The following DYRK1A variants were observed in gnomAD, a reference collection of about 807,000 sequenced individuals.
The protein encoded by DYRK1A is dual specificity tyrosine phosphorylation regulated kinase 1A, also known as dual specificity tyrosine-phosphorylation-regulated kinase 1A.
Under a neutral mutation model 79.7 loss-of-function variants are expected in DYRK1A, and 9 were observed. The ratio of observed to expected loss-of-function variants is 0.11; its 90% CI spans 0.07 to 0.20. The LOEUF (loss-of-function observed/expected upper bound fraction) is 0.20, where lower values mean the gene tolerates loss of function less well. DYRK1A is among the 10% of genes least tolerant of loss of function. The pLI, the probability that DYRK1A is intolerant of heterozygous loss-of-function variation, is 1.00. For missense variants in DYRK1A, 622 were observed against 956.0 expected (o/e 0.65, Z 4.61); for synonymous variants, 349 against 329.7 (o/e 1.06, Z -0.63).
chr21:37,471,269 C>T (rs954832060), intron 2 of DYRK1A, among the ~76,000 whole-genome samples: 1 of 152,170 alleles, frequency 6.6e-6, no homozygotes, highest in Non-Finnish European at 1.5e-5. Context: ...GATTGGGCAG[C>T]TGTAAGGGAA....
chr21:37,430,040 TC>T, intron 2 of DYRK1A, among the ~76,000 whole-genome samples: 1 of 152,206 alleles, frequency 6.6e-6, no homozygotes, highest in Non-Finnish European at 1.5e-5. Context: ...TTAAAGTTTT[TC>T]TGTTGATTAT....
intron 2 of DYRK1A, among the ~76,000 whole-genome samples, chr21:37,427,256 C>T (rs1178537420): frequency 6.6e-6 from 1 of 152,198 alleles, no homozygotes; most frequent in Admixed American, 6.5e-5. Flanking sequence ...GGACTGCAGG[C>T]ACGTGCTGCC....
At chr21:37,448,334 A>T (rs1376388263) in intron 2 of DYRK1A, among the ~76,000 whole-genome samples, 15 of 152,072 alleles carry the variant, frequency 9.9e-5, no homozygotes, top group Admixed American at 9.8e-4. Flanking sequence ...AATTTTTTTT[A>T]AAAACTCTTG....
chr21:37,373,774 T>G (rs551596422), intron 1 of DYRK1A, among the ~76,000 whole-genome samples: 10 of 152,358 alleles, frequency 6.6e-5, no homozygotes, highest in African/African-American at 2.4e-4. Flanking sequence ...CAAAGGAGTC[T>G]GGGATATGTG....
At chr21:37,475,728 T>A (rs931419680) in intron 3 of DYRK1A, among the ~76,000 whole-genome samples, 2 of 152,224 alleles carry the variant, frequency 1.3e-5, no homozygotes, top group African/African-American at 4.8e-5. Context: ...CACACTCATA[T>A]TGAGTGCAGA....
At chr21:37,400,161 A>G (rs542345768) in intron 1 of DYRK1A, among the ~76,000 whole-genome samples, 198 of 152,162 alleles carry the variant, frequency 1.3e-3, no homozygotes, top group African/African-American at 4.5e-3. Context: ...TTGTGGCCAC[A>G]TTACCTCAAT....
intron 2 of DYRK1A, among the ~76,000 whole-genome samples, chr21:37,455,521 C>T (rs970410586): frequency 1.3e-5 from 2 of 152,154 alleles, no homozygotes; most frequent in African/African-American, 4.8e-5. Flanking sequence ...TGGCTTGGAA[C>T]CGCTGAGTCA....
At chr21:37,446,064 C>T (rs770592429) in intron 2 of DYRK1A, among the ~76,000 whole-genome samples, 28 of 152,200 alleles carry the variant, frequency 1.8e-4, no homozygotes, top group Middle Eastern at 3.4e-3. Flanking sequence ...GTGTTGCTAC[C>T]AGAGTATCTT....
Position 37,506,024 on chromosome 21 carries a change from T to G in DYRK1A, c.1520-75T>G, listed in dbSNP as rs1601318434. ...GTGAGTACTTTCAGTTTTAATGGTA[T>G]AGCTTCAGAGTATAAATTTGAACAA... is the stretch of plus-strand genomic sequence containing the variant. On this transcript the variant is annotated intron_variant, in intron 10 of 11. Transcript: ENST00000647188. 15 of 1,504,616 alleles carry G rather than the reference T, an allele frequency of 1.0e-5. No individual in the cohort carries two copies. The East Asian group carries it at 3.5e-4, about 35-fold the overall frequency. The allele number at this position is 1,504,616 out of a possible 1,614,324, so 93.2% of individuals were successfully genotyped here. A position where few individuals can be genotyped will look rare whatever the true frequency, so the allele number is the denominator to read the frequency against.
chr21:37,506,894 TTCTTG>T (rs973461829), intron 11 of DYRK1A, among the ~76,000 whole-genome samples: 4 of 152,026 alleles, frequency 2.6e-5, no homozygotes, highest in Non-Finnish European at 5.9e-5. Context: ...GTGCTCTCCA[TTCTTG>T]TGACTAGGGC....
intron 5 of DYRK1A, among the ~76,000 whole-genome samples, chr21:37,485,224 C>T (rs753913995): frequency 6.6e-6 from 1 of 152,152 alleles, no homozygotes; most frequent in South Asian, 2.1e-4. Flanking sequence ...TACTTGGGCC[C>T]ACATGAGTGT....
chr21:37,489,277 A>C (rs1351190618), intron 6 of DYRK1A, among the ~76,000 whole-genome samples: 2 of 152,192 alleles, frequency 1.3e-5, no homozygotes, highest in African/African-American at 4.8e-5. Context: ...CAGTTGTGTT[A>C]CAGGTGCTCA....
intron 2 of DYRK1A, among the ~76,000 whole-genome samples, chr21:37,446,489 A>G (rs1157082556): frequency 1.3e-5 from 2 of 152,198 alleles, no homozygotes; most frequent in East Asian, 3.8e-4. Context: ...TTAATAAAGT[A>G]GTTAATGGGA....
intron 4 of DYRK1A, among the ~76,000 whole-genome samples, chr21:37,479,125 T>G (rs1440817334): frequency 1.3e-5 from 2 of 152,234 alleles, no homozygotes; most frequent in African/African-American, 4.8e-5. Flanking sequence ...AGCTGAAAAG[T>G]GAAAAGATGT....
At chr21:37,412,945 ACTT>A (rs1013073134) in intron 1 of DYRK1A, among the ~76,000 whole-genome samples, 2 of 152,218 alleles carry the variant, frequency 1.3e-5, no homozygotes, top group African/African-American at 4.8e-5. Context: ...CATTGAAAAT[ACTT>A]CTTTTGCAGG....
intron 1 of DYRK1A, among the ~76,000 whole-genome samples, chr21:37,388,666 T>TC (rs2049810164): frequency 6.6e-6 from 1 of 150,784 alleles, no homozygotes; most frequent in Non-Finnish European, 1.5e-5. Context: ...TTTTTTTTTT[T>TC]CGGAGTCTCG....
At chr21:37,377,143 G>A (rs575889818) in intron 1 of DYRK1A, among the ~76,000 whole-genome samples, 3 of 152,192 alleles carry the variant, frequency 2.0e-5, no homozygotes, top group South Asian at 2.1e-4. Context: ...TTTTTGAGAC[G>A]GAGTCTCGCT....
chr21:37,492,958 T>A, intron 7 of DYRK1A, 59 bp from the exon 8 acceptor site: 1 of 1,386,986 alleles, frequency 7.2e-7, no homozygotes, highest in Non-Finnish European at 1.0e-6. Context: ...ATGTTTTTAA[T>A]CCAATGCTGA....
intron 2 of DYRK1A, among the ~76,000 whole-genome samples, chr21:37,426,209 G>T (rs745634520): frequency 6.6e-5 from 10 of 152,108 alleles, no homozygotes; most frequent in Non-Finnish European, 1.2e-4. Context: ...CTATATTTTG[G>T]GATCCTTCAT....
Sources: allele counts gnomAD v4.1 joint callset (sites outside exome capture counted in the v4.1 genomes callset), GRCh38; gene constraint gnomAD v4.1.1; transcripts MANE v1.5; gene names NCBI Gene and HGNC (gene_info 2026-07-23, HGNC 2026-07-21).